ADAMTS7: variants seen among roughly 807,000 people sequenced by gnomAD.
The protein encoded by ADAMTS7 is A disintegrin and metalloproteinase with thrombospondin motifs 7.
In ADAMTS7, 89 loss-of-function variants were observed where a neutral mutation model predicts 172.6. The observed-to-expected ratio is 0.52, with a 90% CI of 0.43 to 0.61. ADAMTS7 has a LOEUF of 0.61. Among genes scored for constraint, ADAMTS7 ranks in the 20% least tolerant of loss-of-function variants. The pLI, the probability that ADAMTS7 is intolerant of heterozygous loss-of-function variation, is 0.00. For synonymous variants in ADAMTS7, 885 were observed against 978.4 expected (o/e 0.90, Z 1.78); for missense variants, 1,973 against 2,355.6 (o/e 0.84, Z 3.36).
intron 14 of ADAMTS7, among the ~76,000 whole-genome samples, chr15:78,772,817 CTT>C (rs879618595): frequency 0.27 from 41,654 of 152,106 alleles, 5,873 homozygotes; most frequent in South Asian, 0.42. Flanking sequence ...GACTACCATT[CTT>C]TGGAAGGCCA....
At chr15:78,798,569 A>G (rs572684288) in intron 2 of ADAMTS7, among the ~76,000 whole-genome samples, 60 of 152,038 alleles carry the variant, frequency 3.9e-4, no homozygotes, top group African/African-American at 1.4e-3. Flanking sequence ...CCTTCCCTCT[A>G]TCTCCCTAAG....
Position 78,771,460 on chromosome 15 carries a change from G to C in ADAMTS7, c.2376+125C>G. ...GGTAGAGGCCGCAGCAGGAGGGCCT[G>C]GCTCAGAGCCAGGCTCTGTGACTGA... On this transcript the variant is annotated intron_variant, in intron 15 of 23. Transcript: ENST00000388820. The surrounding 1 kb of genome is among the most constrained non-coding windows in gnomAD (Gnocchi z 4.9). 1.3e-6 allele frequency: 2 copies of C among 1,535,860 alleles called. No homozygotes were observed. The highest frequency in any genetic ancestry group is 1.8e-6 in the Non-Finnish European group (2 of 1,141,102).
At chr15:78,773,736 T>C (rs7182801) in intron 13 of ADAMTS7, among the ~76,000 whole-genome samples, 152,045 of 152,230 alleles carry the variant, frequency 1, 75,930 homozygotes, top group Middle Eastern at 1. Context: ...GGCTACTCTT[T>C]GCGGCTCAGA....
At chr15:78,772,983 G>T (rs2055275811) in intron 14 of ADAMTS7, 100 bp downstream of exon 14, 2 of 1,427,642 alleles carry the variant, frequency 1.4e-6, no homozygotes, top group Admixed American at 4.2e-5. Flanking sequence ...TCTCCAGGCT[G>T]GGTGGGGGCC....
chr15:78,781,329 G>A (rs1477870301), intron 8 of ADAMTS7, among the ~76,000 whole-genome samples: 2 of 152,130 alleles, frequency 1.3e-5, no homozygotes, highest in Non-Finnish European at 2.9e-5. Flanking sequence ...CCCCACCTCC[G>A]CACACCCTCT....
intron 11 of ADAMTS7, among the ~76,000 whole-genome samples, chr15:78,775,567 T>A (rs981907311): frequency 1.3e-5 from 2 of 148,846 alleles, no homozygotes; most frequent in African/African-American, 4.9e-5. Context: ...ACCCCCCCGT[T>A]TAGATGGGGA....
Position 78,764,649 on chromosome 15 carries a change from C to T in ADAMTS7, c.4325G>A (p.Arg1442Gln), listed in dbSNP as rs1436118375. ...VWRPVRCSSGRDEDCAPAGRP... is the reference protein window; with the variant it reads ...VWRPVRCSSGQDEDCAPAGRP... ...GCCAGCGGGGGCGCAGTCCTCATCC[C>T]GGCCGGAGCTACAGCGCACCGGCCT... Residue 1442 changes from arginine (R) to glutamine (Q), a missense_variant, in exon 20 of 24, where the codon CGG becomes CAG. This residue lies in a region of ADAMTS7 where 218 missense variants were observed against 216.9 expected (regional missense o/e 1.01). Coordinates refer to ENST00000388820, the MANE Select transcript of ADAMTS7 (RefSeq NM_014272.5). 1.4e-5 allele frequency: 22 copies of T among 1,573,706 alleles called. No homozygotes were observed. Among genetic ancestry groups the T allele is most frequent in the East Asian group, 4.6e-5 (2 of 43,792 alleles).
Position 78,771,943 on chromosome 15 carries a change from A to G in ADAMTS7, c.2132-114T>C. The G allele has an allele frequency of 6.9e-6, 10 of 1,448,392 alleles. No homozygotes were observed. Among genetic ancestry groups the G allele is most frequent in the Middle Eastern group, 2.5e-4 (1 of 3,966 alleles). 89.7% of individuals were successfully genotyped at this position (1,448,392 alleles called of 1,614,324 possible). A position where few individuals can be genotyped will look rare whatever the true frequency, so the allele number is the denominator to read the frequency against. On this transcript the variant is annotated intron_variant, in intron 14 of 23. Coordinates refer to ENST00000388820, the MANE Select transcript of ADAMTS7 (RefSeq NM_014272.5). This position sits in a 1 kb window ranked among gnomAD's most constrained non-coding sequence, Gnocchi z 4.9. Reference sequence around the variant, plus strand: ...CTCCGCCTGCTGATGCCAAAGCTTTAAAGTCTGAGCTCCCTAAATTGCTCG... The same window carrying G: ...CTCCGCCTGCTGATGCCAAAGCTTTGAAGTCTGAGCTCCCTAAATTGCTCG...
intron 23 of ADAMTS7, among the ~76,000 whole-genome samples, chr15:78,761,742 T>TC (rs2055046165): frequency 6.6e-6 from 1 of 151,604 alleles, no homozygotes; most frequent in Non-Finnish European, 1.5e-5. Flanking sequence ...GTGTGTGTGT[T>TC]GGCGTGTGTG....
chr15:78,798,234 G>T, intron 2 of ADAMTS7, 121 bp from the exon 3 acceptor site: 1 of 935,700 alleles, frequency 1.1e-6, no homozygotes, highest in Non-Finnish European at 1.5e-6. Flanking sequence ...GTGACTGCCC[G>T]CGGACACACT....
intron 23 of ADAMTS7, among the ~76,000 whole-genome samples, chr15:78,760,742 C>T (rs2055030160): frequency 6.6e-6 from 1 of 152,162 alleles, no homozygotes. Context: ...TCTCCAAGTC[C>T]AAGACACCTT....
chr15:78,800,345 C>A lies in ADAMTS7; in HGVS notation c.303G>T (p.Leu101=). ...LRFNLTANQH[L]LAPGFVSETR... Reference sequence around the variant, plus strand: ...TCTCGCTCACAAAGCCGGGCGCCAGCAGGTGCTGATTGGCGGTCAGGTTGA... The same window carrying A: ...TCTCGCTCACAAAGCCGGGCGCCAGAAGGTGCTGATTGGCGGTCAGGTTGA... Residue 101 remains leucine (L), a synonymous_variant, in exon 2 of 24, where the codon CTG becomes CTT. Coordinates refer to ENST00000388820, the MANE Select transcript of ADAMTS7 (RefSeq NM_014272.5). 1 of 1,603,572 alleles carries A rather than the reference C, an allele frequency of 6.2e-7. No homozygotes were observed. The highest frequency in any genetic ancestry group is 8.5e-7 in the Non-Finnish European group (1 of 1,176,456).
chr15:78,790,541 A>G, intron 6 of ADAMTS7, 129 bp downstream of exon 6: 7 of 1,236,288 alleles, frequency 5.7e-6, no homozygotes, highest in Non-Finnish European at 7.8e-6. Context: ...CCTTGGGCCA[A>G]AGGTGCGCAA....
chr15:78,774,874 C>T, intron 11 of ADAMTS7, 81 bp from the exon 12 acceptor site: 1 of 1,479,140 alleles, frequency 6.8e-7, no homozygotes, highest in Non-Finnish European at 9.0e-7. Flanking sequence ...AAGCAACTTC[C>T]TCCTGCATCC....
At chr15:78,769,760 T>G (rs1807007) in intron 16 of ADAMTS7, among the ~76,000 whole-genome samples, 43,711 of 152,264 alleles carry the variant, frequency 0.29, 7,995 homozygotes, top group Non-Finnish European at 0.42. Context: ...CCTCTGCAGA[T>G]GCTCCCAAGT....
At position 78,767,587 on chromosome 15, in the gene ADAMTS7, C is replaced by T; in HGVS notation, c.2651G>A (p.Trp884Ter). The T allele has an allele frequency of 6.5e-7, 1 of 1,540,990 alleles. No homozygotes were observed. The highest frequency in any genetic ancestry group is 8.8e-7 in the Non-Finnish European group (1 of 1,141,766). Residue 884 changes from tryptophan to a stop codon, truncating the protein, a stop_gained, in exon 18 of 24, where the codon TGG becomes TAG. Coordinates refer to ENST00000388820, the MANE Select transcript of ADAMTS7 (RefSeq NM_014272.5). LOFTEE classifies it high-confidence loss of function. ...CSEQPCPARW[W>*]AGEWQLCSSS... ...GGAGCACAGCTGCCACTCACCTGCC[C>T]ACCACCTGGCGAGGGCACACAGGTG...
At chr15:78,778,806 G>A (rs892820434) in intron 8 of ADAMTS7, among the ~76,000 whole-genome samples, 1 of 152,316 alleles carries the variant, frequency 6.6e-6, no homozygotes, top group East Asian at 1.9e-4. Flanking sequence ...CAGGCAGGGG[G>A]TTGCACAGGG....
chr15:78,793,985 G>A (rs564399585), intron 4 of ADAMTS7, among the ~76,000 whole-genome samples: 18 of 151,944 alleles, frequency 1.2e-4, no homozygotes, highest in African/African-American at 2.7e-4. Flanking sequence ...GGTGAGGGCC[G>A]GGAGTGGTGG....
At chr15:78,781,428 G>A (rs529715512) in intron 8 of ADAMTS7, among the ~76,000 whole-genome samples, 1 of 152,208 alleles carries the variant, frequency 6.6e-6, no homozygotes, top group Non-Finnish European at 1.5e-5. Context: ...GGGAGGATGG[G>A]GTTCTTCTTC....
Sources: allele counts gnomAD v4.1 joint callset (sites outside exome capture counted in the v4.1 genomes callset), GRCh38; gene constraint gnomAD v4.1.1; regional missense constraint gnomAD v4.1.1; non-coding constraint Gnocchi (gnomAD v3.1); transcripts MANE v1.5; gene names NCBI Gene and HGNC (gene_info 2026-07-23, HGNC 2026-07-21).